The following ETFBKMT variants were observed in gnomAD, a reference collection of about 807,000 sequenced individuals.
ETFBKMT encodes the protein electron transfer flavoprotein subunit beta lysine methyltransferase, also known as electron transfer flavoprotein beta subunit lysine methyltransferase.
ETFBKMT carries 13 observed loss-of-function variants against 18.3 expected under a neutral mutation model. The ratio of observed to expected loss-of-function variants is 0.71; its 90% CI spans 0.46 to 1.13. The LOEUF is 1.13. Ranked by LOEUF, ETFBKMT falls within the 50% of genes most tolerant of loss-of-function variation. The pLI, the probability that ETFBKMT is intolerant of heterozygous loss-of-function variation, is 0.00. For missense variants in ETFBKMT, 293 were observed against 306.2 expected, an observed-to-expected ratio of 0.96 and a Z score of 0.32; for synonymous variants, 84 against 107.9, an observed-to-expected ratio of 0.78 and a Z score of 1.37.
chr12:31,649,737 T>G (rs1950998577), intron 1 of ETFBKMT, among the ~76,000 whole-genome samples: 1 of 151,088 alleles, frequency 6.6e-6, no homozygotes, highest in Admixed American at 6.6e-5. Flanking sequence ...ATGGTGAACT[T>G]AATGGATAAA....
At position 31,668,875 on chromosome 12, in the gene ETFBKMT, G is replaced by A. The variant is rs917542678; in HGVS notation, c.*885G>A. On this transcript the variant is annotated 3_prime_UTR_variant, in exon 4 of 4. Coordinates refer to ENST00000357721, the MANE Select transcript of ETFBKMT (RefSeq NM_001135863.2). ...TGCTTACGTCACCCATCATTCTTGC[G>A]TGTTGTATGCTTTTCGCATTAGAGC... The A allele has an allele frequency of 3.9e-5, 6 of 152,078 alleles. 1 individual carries two copies. Among genetic ancestry groups the A allele is most frequent in the Middle Eastern group, 6.3e-3 (2 of 316 alleles). 9.4% of individuals were successfully genotyped at this position (152,078 alleles called of 1,614,324 possible).
At chr12:31,665,431 C>T (rs1247162871) in intron 2 of ETFBKMT, among the ~76,000 whole-genome samples, 1 of 152,212 alleles carries the variant, frequency 6.6e-6, no homozygotes, top group Non-Finnish European at 1.5e-5. Flanking sequence ...AGTTCTGCTA[C>T]TTTTCACTAT....
Position 31,672,146 on chromosome 12 carries a change from A to G in ETFBKMT, c.*4156A>G. ...TAAGAGTAAAGCACAAACCATGTAT[A>G]TACCAAGACTTAGCTAATTCTCTGA... is the stretch of plus-strand genomic sequence containing the variant. On this transcript the variant is annotated 3_prime_UTR_variant, in exon 4 of 4. Transcript: ENST00000357721. 2 of 594,578 alleles carry G rather than the reference A, an allele frequency of 3.4e-6. No homozygotes were observed. Among genetic ancestry groups the G allele is most frequent in the Non-Finnish European group, 6.0e-6 (2 of 333,614 alleles). The allele number at this position is 594,578 out of a possible 1,614,324, so 36.8% of individuals were successfully genotyped here.
At chr12:31,648,594 C>T (rs1260736604) in intron 1 of ETFBKMT, among the ~76,000 whole-genome samples, 2 of 126,226 alleles carry the variant, frequency 1.6e-5, no homozygotes, top group East Asian at 2.6e-4. Flanking sequence ...GACGGAGTCT[C>T]GCTGTCTCCC....
Position 31,672,369 on chromosome 12 carries a change from G to A in ETFBKMT, c.*4379G>A, listed in dbSNP as rs540784768. On this transcript the variant is annotated 3_prime_UTR_variant, in exon 4 of 4. Coordinates refer to ENST00000357721, the MANE Select transcript of ETFBKMT (RefSeq NM_001135863.2). ...CCTACTAATTGCTCCAACACTTCTC[G>A]GGAATGATCTATAAAAGAAAACAAT... 8 of 1,568,950 alleles carry A rather than the reference G, an allele frequency of 5.1e-6. No homozygotes were observed. In the East Asian group the frequency reaches 7.0e-5, roughly 14 times the overall value.
At chr12:31,654,928 C>T (rs1209755609), upstream of ETFBKMT, among the ~76,000 whole-genome samples, 5 of 151,782 alleles carry the variant, frequency 3.3e-5, no homozygotes, top group South Asian at 2.1e-4. Context: ...TGGTGGTTCA[C>T]GCCTGTAATC....
chr12:31,648,622 C>T (rs1239077737), intron 1 of ETFBKMT, among the ~76,000 whole-genome samples: 4 of 130,788 alleles, frequency 3.1e-5, no homozygotes, highest in East Asian at 2.6e-4. Context: ...AGTTCAGTGG[C>T]GCAATCTCGG....
chr12:31,651,704 T>C (rs1056423541), intron 1 of ETFBKMT, among the ~76,000 whole-genome samples: 1 of 152,176 alleles, frequency 6.6e-6, no homozygotes, highest in Non-Finnish European at 1.5e-5. Flanking sequence ...ACAATGGACC[T>C]ATACAGATAA....
intron 3 of ETFBKMT, among the ~76,000 whole-genome samples, 173 bp from the exon 4 acceptor site, chr12:31,667,474 T>C (rs1048637544): frequency 6.6e-6 from 1 of 152,254 alleles, no homozygotes; most frequent in African/African-American, 2.4e-5. Context: ...TATTTGGAAA[T>C]TGTGGTATAG....
rs532044112 is a variant in ETFBKMT, at chr12:31,668,019, T to C, written c.*29T>C. 2 of 1,567,712 alleles carry C rather than the reference T, an allele frequency of 1.3e-6. No homozygotes were observed. Among genetic ancestry groups the C allele is most frequent in the African/African-American group, 1.4e-5 (1 of 73,648 alleles). Reference sequence around the variant, plus strand: ...GTCAAAGTGCTTCCAAGTATGAATATAGTAATGTTTGGATCTGACTCTAAA... The same window carrying C: ...GTCAAAGTGCTTCCAAGTATGAATACAGTAATGTTTGGATCTGACTCTAAA... On this transcript the variant is annotated 3_prime_UTR_variant, in exon 4 of 4. Coordinates refer to ENST00000357721, the MANE Select transcript of ETFBKMT (RefSeq NM_001135863.2).
chr12:31,667,296 A>C (rs1418939032), intron 3 of ETFBKMT, among the ~76,000 whole-genome samples: 1 of 152,204 alleles, frequency 6.6e-6, no homozygotes, highest in Non-Finnish European at 1.5e-5. Context: ...CGCCCAGCCA[A>C]GGGGTCTCAG....
chr12:31,667,758 T>C lies in ETFBKMT; in HGVS notation c.557T>C (p.Leu186Pro). 1 of 1,614,214 alleles carries C rather than the reference T, an allele frequency of 6.2e-7. No homozygotes were observed. The change falls in exon 4 of 4, where the codon CTT (leucine) becomes CCT (proline). Residue 186 changes from leucine (L) to proline (P), a missense_variant. Transcript: ENST00000357721. The part of the protein sequence containing the change: ...LEQDKWDLVV[L>P]GDMFYDEDLA... ...CAAGATAAGTGGGACCTTGTTGTTC[T>C]TGGCGATATGTTTTATGATGAAGAC... is the stretch of plus-strand genomic sequence containing the variant.
upstream of ETFBKMT, among the ~76,000 whole-genome samples, chr12:31,657,516 G>A (rs1267378792): frequency 6.6e-6 from 1 of 152,070 alleles, no homozygotes; most frequent in Admixed American, 6.6e-5. Flanking sequence ...AATCTTGGCC[G>A]GTCGCAGTGG....
rs537273929 is a variant in ETFBKMT at position 31,672,119 on chromosome 12, T to C, written c.*4129T>C. 2 of 521,616 alleles carry C rather than the reference T, an allele frequency of 3.8e-6. No homozygotes were observed. The highest frequency in any genetic ancestry group is 6.0e-5 in the East Asian group (2 of 33,172). 32.3% of individuals were successfully genotyped at this position (521,616 alleles called of 1,614,324 possible). A position where few individuals can be genotyped will look rare whatever the true frequency, so the allele number is the denominator to read the frequency against. On this transcript the variant is annotated 3_prime_UTR_variant, in exon 4 of 4. Transcript: ENST00000357721. ...ATAGAATAATAGCACTTTAAAGATG[T>C]TTAAGAGTAAAGCACAAACCATGTA...
rs1255718887 is a variant in ETFBKMT at position 31,670,686 on chromosome 12, A to G, written c.*2696A>G. On this transcript the variant is annotated 3_prime_UTR_variant, in exon 4 of 4. Transcript: ENST00000357721. ...GACATGGAGTCTTGCTACATTGGCC[A>G]GGCTGGGTATTACTGGGTATTTCTT... is the stretch of plus-strand genomic sequence containing the variant. 6.6e-6 allele frequency: 1 copy of G among 152,166 alleles called. No homozygotes were observed. Among genetic ancestry groups the G allele is most frequent in the Non-Finnish European group, 1.5e-5 (1 of 68,072 alleles). The allele number at this position is 152,166 out of a possible 1,614,324, so 9.4% of individuals were successfully genotyped here. A position where few individuals can be genotyped will look rare whatever the true frequency, so the allele number is the denominator to read the frequency against.
At position 31,672,939 on chromosome 12, in the gene ETFBKMT, A is replaced by G. The variant is rs1294706323; in HGVS notation, c.*4949A>G. ...TGTCTGTATAATACTACTATAAAGCATGATTTTAAATAGATAACCATTATA... is the reference window on the plus strand; with the variant it reads ...TGTCTGTATAATACTACTATAAAGCGTGATTTTAAATAGATAACCATTATA... On this transcript the variant is annotated 3_prime_UTR_variant, in exon 4 of 4. Coordinates refer to ENST00000357721, the MANE Select transcript of ETFBKMT (RefSeq NM_001135863.2). The G allele has an allele frequency of 1.3e-5, 2 of 152,638 alleles. No individual in the cohort carries two copies. The highest frequency in any genetic ancestry group is 1.5e-5 in the Non-Finnish European group (1 of 68,344). The allele number at this position is 152,638 out of a possible 1,614,324, so 9.5% of individuals were successfully genotyped here. A position where few individuals can be genotyped will look rare whatever the true frequency, so the allele number is the denominator to read the frequency against.
At chr12:31,648,923 T>C (rs1205891812) in intron 1 of ETFBKMT, among the ~76,000 whole-genome samples, 1 of 151,726 alleles carries the variant, frequency 6.6e-6, no homozygotes, top group African/African-American at 2.4e-5. Context: ...GTGATCCGCC[T>C]GCCTCAGCCT....
At chr12:31,656,873 T>C (rs1184968322), upstream of ETFBKMT, among the ~76,000 whole-genome samples, 2 of 152,240 alleles carry the variant, frequency 1.3e-5, no homozygotes, top group African/African-American at 4.8e-5. Flanking sequence ...ACTGAAAACC[T>C]GATCTGCTGC....
rs569564209 is a variant in ETFBKMT at position 31,667,498 on chromosome 12, A to G, written c.446-149A>G. 9.8e-6 allele frequency: 6 copies of G among 615,100 alleles called. No homozygotes were observed. In the East Asian group the frequency reaches 1.7e-4, roughly 17 times the overall value. The allele number at this position is 615,100 out of a possible 1,614,324, so 38.1% of individuals were successfully genotyped here. ...ATTGTGGTATAGCTTATATTGGGAT[A>G]ACCTTTATACTTCTCTACTTTAAAA... On this transcript the variant is annotated intron_variant, in intron 3 of 3. Transcript: ENST00000357721.
Sources: allele counts gnomAD v4.1 joint callset (sites outside exome capture counted in the v4.1 genomes callset), GRCh38; gene constraint gnomAD v4.1.1; transcripts MANE v1.5; gene names NCBI Gene and HGNC (gene_info 2026-07-23, HGNC 2026-07-21).